Variants in RCN3 observed in about 807,000 individuals in gnomAD.
The protein encoded by RCN3 is reticulocalbin 3.
In RCN3, 41 loss-of-function variants were observed where a neutral mutation model predicts 35.9. The ratio of observed to expected loss-of-function variants is 1.14; its 90% CI spans 0.89 to 1.48. The LOEUF is 1.48. Among genes scored for constraint, RCN3 ranks in the 40% most tolerant of loss-of-function variants. The pLI, the probability that RCN3 is intolerant of heterozygous loss-of-function variation, is 0.00. For synonymous variants in RCN3, 187 were observed against 193.4 expected, an observed-to-expected ratio of 0.97 and a Z score of 0.27; for missense variants, 451 against 471.3, an observed-to-expected ratio of 0.96 and a Z score of 0.40.
chr19:49,532,266 C>T (rs1169035534), intron 2 of RCN3, among the ~76,000 whole-genome samples: 12 of 146,458 alleles, frequency 8.2e-5, no homozygotes, highest in Non-Finnish European at 1.3e-4. Context: ...CCACCACGCC[C>T]GGCTAATTTT....
chr19:49,542,803 C>A, intron 6 of RCN3, 51 bp downstream of exon 6: 1 of 1,492,980 alleles, frequency 6.7e-7, no homozygotes, highest in Non-Finnish European at 9.1e-7. Context: ...GCATTGCGGG[C>A]CAGACTCCAG....
Position 49,542,608 on chromosome 19 carries a change from G to A in RCN3, c.735G>A (p.Glu245=). The A allele has an allele frequency of 6.2e-7, 1 of 1,609,762 alleles. No homozygotes were observed. The highest frequency in any genetic ancestry group is 8.5e-7 in the Non-Finnish European group (1 of 1,178,522). The change falls in exon 6 of 7, where the codon GAG becomes GAA. Residue 245 remains glutamate (E), a synonymous_variant. Transcript: ENST00000270645. The stretch of plus-strand genomic sequence containing the variant: ...AGGAGCCGGCGTGGGTGCAGACGGA[G>A]AGGCAGCAGTTCCGGGACTTCCGGG... ...GEEEPAWVQT[E]RQQFRDFRDL...
At chr19:49,530,157 T>C (rs2080101371) in intron 2 of RCN3, among the ~76,000 whole-genome samples, 2 of 151,702 alleles carry the variant, frequency 1.3e-5, no homozygotes, top group Admixed American at 6.6e-5. Context: ...CAAAGTTTTT[T>C]TTCTTTCCTT....
chr19:49,537,235 C>A (rs375870789), intron 4 of RCN3, 30 bp downstream of exon 4: 9 of 1,445,618 alleles, frequency 6.2e-6, no homozygotes, highest in East Asian at 2.7e-5. Context: ...CCCTGTCCCC[C>A]ACACCCTTCC....
chr19:49,534,227 G>A lies in RCN3; in HGVS notation c.277G>A (p.Gly93Ser), dbSNP rs1260751239. The A allele has an allele frequency of 6.8e-6, 10 of 1,477,510 alleles. No individual in the cohort carries two copies. The Admixed American group carries it at 2.1e-4, about 31-fold the overall frequency. 91.5% of individuals were successfully genotyped at this position (1,477,510 alleles called of 1,614,324 possible). The change falls in exon 3 of 7, where the codon GGC becomes AGC. Residue 93 changes from glycine (G) to serine (S), a missense_variant. Coordinates refer to ENST00000270645, the MANE Select transcript of RCN3 (RefSeq NM_020650.3). ...GGACCGCATGGACCGCGCGGGGGAC[G>A]GCGACGGCTGGGTGTCGCTGGCCGA... ...IVDRMDRAGD[G>S]DGWVSLAELR...
chr19:49,533,479 G>C (rs990873872), intron 2 of RCN3, among the ~76,000 whole-genome samples: 1 of 152,156 alleles, frequency 6.6e-6, no homozygotes, highest in African/African-American at 2.4e-5. Flanking sequence ...CCCAAGAGAA[G>C]GGGAGAGATG....
At chr19:49,532,966 G>A (rs1384383843) in intron 2 of RCN3, among the ~76,000 whole-genome samples, 6 of 152,198 alleles carry the variant, frequency 3.9e-5, no homozygotes, top group African/African-American at 9.7e-5. Context: ...GTGAGCCACC[G>A]CGCCTGTCCT....
In RCN3 at chr19:49,530,326, A is replaced by ATT. The variant is rs774074543; in HGVS notation, c.242+1628_242+1629dup. Among the ~76,000 whole-genome samples, 309 of 132,056 alleles carry ATT rather than the reference A, an allele frequency of 2.3e-3. 4 individuals are homozygous for ATT. The highest frequency in any genetic ancestry group is 8.4e-3 in the African/African-American group (297 of 35,510). The allele number at this position is 132,056 out of a possible 152,430, so 86.6% of individuals were successfully genotyped here. On this transcript the variant is annotated intron_variant, in intron 2 of 6. Transcript: ENST00000270645. ...GGGTGCACGCCCACACGCCCAGCTA[A>ATT]TTTTTTTTTTTTTTTTTGTATTTTA...
chr19:49,542,859 G>C, intron 6 of RCN3, 107 bp downstream of exon 6: 1 of 1,127,166 alleles, frequency 8.9e-7, no homozygotes, highest in Non-Finnish European at 1.2e-6. Flanking sequence ...CTTTTAGGTG[G>C]GATAAAAAAA....
intron 5 of RCN3, 108 bp from the exon 6 acceptor site, chr19:49,542,445 A>G: frequency 1.4e-6 from 1 of 703,520 alleles, no homozygotes; most frequent in Non-Finnish European, 2.4e-6. Flanking sequence ...GAGGGTAGTG[A>G]GTTGCTCAAG....
intron 6 of RCN3, 66 bp downstream of exon 6, chr19:49,542,818 G>C (rs1333318003): frequency 7.0e-7 from 1 of 1,426,996 alleles, no homozygotes; most frequent in African/African-American, 1.4e-5. Context: ...CTCCAGAAAG[G>C]AGCAAGACCT....
chr19:49,536,608 T>A (rs1027512619), intron 3 of RCN3, among the ~76,000 whole-genome samples: 4 of 121,654 alleles, frequency 3.3e-5, no homozygotes, highest in East Asian at 4.6e-4. Flanking sequence ...GCTTCTAAAA[T>A]TTTTTTTTTT....
chr19:49,536,946 C>T (rs1282721668), intron 3 of RCN3, 87 bp from the exon 4 acceptor site: 2 of 1,253,912 alleles, frequency 1.6e-6, no homozygotes, highest in Non-Finnish European at 2.2e-6. Context: ...ATCTTTGTAC[C>T]CCAGTAGGAT....
chr19:49,528,647 T>C lies in RCN3; in HGVS notation c.175T>C (p.Phe59Leu). ...GAACTTCCAGTACGACCATGAGGCT[T>C]TCCTGGGACGGGAAGTGGCCAAGGA... ...HGNFQYDHEA[F>L]LGREVAKEFD... The change falls in exon 2 of 7, where the codon TTC becomes CTC. Residue 59 changes from phenylalanine (F) to leucine (L), a missense_variant. By Grantham distance (22) the Phe-to-Leu change is conservative. Transcript: ENST00000270645. 6.2e-7 allele frequency: 1 copy of C among 1,611,876 alleles called. No individual in the cohort carries two copies. The highest frequency in any genetic ancestry group is 2.2e-5 in the East Asian group (1 of 44,548).
intron 4 of RCN3, among the ~76,000 whole-genome samples, chr19:49,537,427 C>A (rs1319689623): frequency 6.6e-6 from 1 of 152,196 alleles, no homozygotes; most frequent in Non-Finnish European, 1.5e-5. Context: ...TGGCCTTCCC[C>A]TCCCTGTGCT....
chr19:49,543,125 C>T lies in RCN3; in HGVS notation c.899C>T (p.Ala300Val), dbSNP rs748594439. ...DTDKDGRLSK[A>V]EILGNWNMFV... ...CTCCAGGATGGGCGGCTGAGCAAAG[C>T]GGAAATCCTGGGTAATTGGAACATG... is the stretch of plus-strand genomic sequence containing the variant. Residue 300 changes from alanine to valine, a missense_variant, in exon 7 of 7, where the codon GCG (alanine) becomes GTG (valine). Transcript: ENST00000270645. The T allele has an allele frequency of 9.3e-6, 15 of 1,613,952 alleles. No homozygotes were observed. The highest frequency in any genetic ancestry group is 6.7e-5 in the African/African-American group (5 of 74,910).
At chr19:49,531,860 G>T (rs1267936924) in intron 2 of RCN3, among the ~76,000 whole-genome samples, 4 of 152,178 alleles carry the variant, frequency 2.6e-5, no homozygotes, top group Non-Finnish European at 4.4e-5. Context: ...GAGTGCAGTG[G>T]CGTGATCTCG....
chr19:49,532,402 G>A (rs1285819543), intron 2 of RCN3, among the ~76,000 whole-genome samples: 3 of 151,584 alleles, frequency 2.0e-5, no homozygotes, highest in East Asian at 1.9e-4. Flanking sequence ...TTGAGACAAG[G>A]TCTTACTCTG....
At chr19:49,533,136 G>A (rs1359614164) in intron 2 of RCN3, among the ~76,000 whole-genome samples, 1 of 152,206 alleles carries the variant, frequency 6.6e-6, no homozygotes, top group Non-Finnish European at 1.5e-5. Flanking sequence ...GGAAGTGGCT[G>A]GATTTGGACC....
Sources: gnomAD v4.1 joint callset for allele counts (sites outside exome capture counted in the v4.1 genomes callset) on GRCh38, gnomAD v4.1.1 for gene constraint, MANE v1.5 for transcripts, NCBI Gene and HGNC (gene_info 2026-07-23, HGNC 2026-07-21) for gene names.